LYPD6: variants seen among roughly 807,000 people sequenced by gnomAD.
The protein encoded by LYPD6 is LY6/PLAUR domain containing 6, also known as ly6/PLAUR domain-containing protein 6.
LYPD6 carries 15 observed loss-of-function variants against 22.7 expected under a neutral mutation model. The observed-to-expected ratio is 0.66, with a 90% CI of 0.44 to 1.02. The LOEUF is 1.02. LYPD6 is among the 50% of genes least tolerant of loss of function. The pLI is 0.00. For missense variants in LYPD6, 189 were observed against 208.4 expected, an observed-to-expected ratio of 0.91 and a Z score of 0.57; for synonymous variants, 72 against 77.5, an observed-to-expected ratio of 0.93 and a Z score of 0.37.
intron 1 of LYPD6, among the ~76,000 whole-genome samples, chr2:149,387,623 G>A (rs2105094403): frequency 6.6e-6 from 1 of 152,316 alleles, no homozygotes. Context: ...AACTCAGTGG[G>A]AAAGGATTGG....
chr2:149,444,718 C>T (rs568806030), intron 2 of LYPD6, among the ~76,000 whole-genome samples: 7 of 151,978 alleles, frequency 4.6e-5, no homozygotes, highest in African/African-American at 7.3e-5. Flanking sequence ...TATGAGATTA[C>T]AGCAGTTCAG....
At chr2:149,379,275 T>C (rs1444537089) in intron 1 of LYPD6, among the ~76,000 whole-genome samples, 1 of 152,078 alleles carries the variant, frequency 6.6e-6, no homozygotes, top group East Asian at 1.9e-4. Context: ...AAGAGGAAGG[T>C]AGTTGAAGCA....
chr2:149,419,542 G>A (rs1289967235), intron 1 of LYPD6, among the ~76,000 whole-genome samples: 2 of 152,046 alleles, frequency 1.3e-5, no homozygotes, highest in African/African-American at 2.4e-5. Flanking sequence ...CTCCCAAATC[G>A]GACAGCATTG....
chr2:149,382,946 A>G (rs757052896), intron 1 of LYPD6, among the ~76,000 whole-genome samples: 6 of 152,140 alleles, frequency 3.9e-5, no homozygotes, highest in Non-Finnish European at 7.4e-5. Flanking sequence ...AATACTCTCC[A>G]AGGAAAATGG....
chr2:149,360,039 G>A (rs574764610), intron 1 of LYPD6, among the ~76,000 whole-genome samples: 1 of 152,334 alleles, frequency 6.6e-6, no homozygotes, highest in East Asian at 1.9e-4. Context: ...TTCTGGGAAA[G>A]AGGTAGGCAA....
chr2:149,406,560 G>A (rs147885954), intron 1 of LYPD6, among the ~76,000 whole-genome samples: 40,597 of 151,902 alleles, frequency 0.27, 6,258 homozygotes, highest in African/African-American at 0.43. Flanking sequence ...TGCAACCCCT[G>A]CCTTATTTGT....
rs538869487 is a variant in LYPD6 at position 149,440,925 on chromosome 2, T to A, written c.118+3099T>A. Among the ~76,000 whole-genome samples, 136 of 152,022 alleles carry A rather than the reference T, an allele frequency of 8.9e-4. 1 individual carries two copies. Among genetic ancestry groups the A allele is most frequent in the Admixed American group, 7.2e-4 (11 of 15,262 alleles). On this transcript the variant is annotated intron_variant, in intron 2 of 4. Transcript: ENST00000334166. ...TTTCACCGTGTTAGCCAGGATGGTCTCCATCTCCTGACCTTGTGATCTGCC... is the reference window on the plus strand; with the variant it reads ...TTTCACCGTGTTAGCCAGGATGGTCACCATCTCCTGACCTTGTGATCTGCC...
chr2:149,463,094 A>C (rs146334297), intron 3 of LYPD6, among the ~76,000 whole-genome samples: 7 of 152,258 alleles, frequency 4.6e-5, no homozygotes, highest in Non-Finnish European at 8.8e-5. Flanking sequence ...TGTTAAGAGA[A>C]TGCAAATGCA....
At chr2:149,462,806 G>A (rs1681116036) in intron 3 of LYPD6, among the ~76,000 whole-genome samples, 1 of 152,002 alleles carries the variant, frequency 6.6e-6, no homozygotes, top group Non-Finnish European at 1.5e-5. Flanking sequence ...AGGAAAGACA[G>A]CCTTTTTAAC....
At chr2:149,447,736 A>G (rs977566139) in intron 2 of LYPD6, among the ~76,000 whole-genome samples, 9 of 152,254 alleles carry the variant, frequency 5.9e-5, no homozygotes, top group African/African-American at 2.2e-4. Context: ...TTGCATGTTG[A>G]CATTTGTGTA....
chr2:149,376,786 C>T (rs1681932024), intron 1 of LYPD6, among the ~76,000 whole-genome samples: 1 of 152,134 alleles, frequency 6.6e-6, no homozygotes, highest in Non-Finnish European at 1.5e-5. Flanking sequence ...ATTTGAAATC[C>T]TCAGAACTGC....
At chr2:149,384,937 T>A (rs562848053) in intron 1 of LYPD6, among the ~76,000 whole-genome samples, 2 of 143,846 alleles carry the variant, frequency 1.4e-5, no homozygotes, top group Admixed American at 1.4e-4. Flanking sequence ...TGTCCATGTG[T>A]TCTCATTGTT....
intron 1 of LYPD6, among the ~76,000 whole-genome samples, chr2:149,366,597 A>G (rs1325201092): frequency 6.6e-6 from 1 of 152,150 alleles, no homozygotes; most frequent in African/African-American, 2.4e-5. Context: ...GTGCACTTGC[A>G]GGGGGTGGAG....
At chr2:149,481,734 T>C in the LYPD6 span, among the ~76,000 whole-genome samples, 2 of 152,212 alleles carry the variant, frequency 1.3e-5, no homozygotes, top group South Asian at 2.1e-4. Flanking sequence ...GAAGCAAATA[T>C]GTACATTAAA....
intron 1 of LYPD6, among the ~76,000 whole-genome samples, chr2:149,411,917 C>T (rs1332440780): frequency 6.6e-6 from 1 of 152,070 alleles, no homozygotes; most frequent in Non-Finnish European, 1.5e-5. Flanking sequence ...CAAAAAGGAC[C>T]TAGTGTACAT....
chr2:149,381,503 G>C (rs960644270), intron 1 of LYPD6, among the ~76,000 whole-genome samples: 3 of 152,128 alleles, frequency 2.0e-5, no homozygotes, highest in Non-Finnish European at 4.4e-5. Flanking sequence ...CCATGTGCCA[G>C]TTCTTTTCTG....
intron 1 of LYPD6, among the ~76,000 whole-genome samples, chr2:149,357,930 C>T (rs1201127233): frequency 4.6e-5 from 7 of 151,894 alleles, no homozygotes; most frequent in Non-Finnish European, 8.8e-5. Context: ...GGATTACAAG[C>T]GTGTGCCACC....
chr2:149,332,938 A>T (rs951338710), intron 1 of LYPD6, among the ~76,000 whole-genome samples: 8 of 152,196 alleles, frequency 5.3e-5, no homozygotes, highest in African/African-American at 1.9e-4. Context: ...CCCCTAAAGG[A>T]TGATGTCCTA....
intron 1 of LYPD6, among the ~76,000 whole-genome samples, chr2:149,407,511 C>T (rs556267953): frequency 2.6e-5 from 4 of 152,324 alleles, no homozygotes; most frequent in African/African-American, 9.6e-5. Flanking sequence ...ACCCTTTCTT[C>T]CAGTTGATCG....
Sources: allele counts gnomAD v4.1 joint callset (sites outside exome capture counted in the v4.1 genomes callset), GRCh38; gene constraint gnomAD v4.1.1; transcripts MANE v1.5; gene names NCBI Gene and HGNC (gene_info 2026-07-23, HGNC 2026-07-21).